The following KIAA1958 variants were observed in gnomAD, a reference collection of about 807,000 sequenced individuals.
KIAA1958 encodes KIAA1958.
A neutral mutation model predicts 47.2 loss-of-function variants in KIAA1958; 14 were observed. The ratio of observed to expected loss-of-function variants is 0.30; its 90% CI spans 0.20 to 0.46. The LOEUF is 0.46. KIAA1958 is among the 20% of genes least tolerant of loss of function. KIAA1958 has a pLI of 1.00. For missense variants in KIAA1958, 803 were observed against 909.2 expected (o/e 0.88, Z 1.50); for synonymous variants, 354 against 353.3 (o/e 1.00, Z -0.02).
At chr9:112,619,661 C>T (rs1836466619) in intron 2 of KIAA1958, among the ~76,000 whole-genome samples, 1 of 152,100 alleles carries the variant, frequency 6.6e-6, no homozygotes, top group African/African-American at 2.4e-5. Flanking sequence ...AAGACTGTTA[C>T]ATAGCTCATT....
intron 2 of KIAA1958, among the ~76,000 whole-genome samples, chr9:112,623,095 G>C (rs1477716866): frequency 6.6e-6 from 1 of 152,136 alleles, no homozygotes; most frequent in Non-Finnish European, 1.5e-5. Flanking sequence ...TCTGCTTTGA[G>C]TATTTTCTGG....
At chr9:112,526,703 A>G (rs1285801431) in intron 1 of KIAA1958, among the ~76,000 whole-genome samples, 1 of 152,190 alleles carries the variant, frequency 6.6e-6, no homozygotes, top group East Asian at 1.9e-4. Context: ...GGGGATAAAC[A>G]TGATTTTTAA....
chr9:112,518,069 G>C (rs1286135685), intron 1 of KIAA1958, among the ~76,000 whole-genome samples: 1 of 152,176 alleles, frequency 6.6e-6, no homozygotes, highest in Non-Finnish European at 1.5e-5. Flanking sequence ...AGAAAGGAAA[G>C]CAGCTGGGAG....
At chr9:112,492,916 CTTTTT>C (rs60299333) in intron 1 of KIAA1958, among the ~76,000 whole-genome samples, 1 of 114,186 alleles carries the variant, frequency 8.8e-6, no homozygotes, top group South Asian at 3.0e-4. Flanking sequence ...GCCCAGCTCA[CTTTTT>C]TTTTTTTTTT....
At chr9:112,581,034 T>G (rs534588081) in intron 2 of KIAA1958, among the ~76,000 whole-genome samples, 1 of 152,298 alleles carries the variant, frequency 6.6e-6, no homozygotes, top group African/African-American at 2.4e-5. Context: ...CACCCGGAGC[T>G]TAGAGTCTGA....
rs1376509008 is a variant in KIAA1958 at position 112,543,533 on chromosome 9, A to AACTTTACC, written c.-24-30514_-24-30507dup. On this transcript the variant is annotated intron_variant, in intron 1 of 3. Coordinates refer to ENST00000337530, the MANE Select transcript of KIAA1958 (RefSeq NM_133465.4). Reference sequence around the variant, plus strand: ...TTGTAAAATGCTTAATTTTATCATTAACTTTACCACTTTACCATTGAGCTT... The same window carrying AACTTTACC: ...TTGTAAAATGCTTAATTTTATCATTAACTTTACCACTTTACCACTTTACCATTGAGCTT... Among the ~76,000 whole-genome samples, 8 of 148,688 alleles carry AACTTTACC rather than the reference A, an allele frequency of 5.4e-5. No homozygotes were observed. In the Admixed American group the frequency reaches 5.4e-4, roughly 10 times the overall value.
rs370149959 is a variant in KIAA1958 at position 112,575,107 on chromosome 9, C to G, written c.1027C>G (p.Leu343Val). The change falls in exon 2 of 4, where the codon CTG (leucine) becomes GTG (valine). Residue 343 changes from leucine to valine, a missense_variant. Coordinates refer to ENST00000337530, the MANE Select transcript of KIAA1958 (RefSeq NM_133465.4). ...TGAGCAAGTTGCCTCTGAAGAGTTC[C>G]TGTCCCATCTGCCCAGCCAGGTCTC... ...QDEQVASEEF[L>V]SHLPSQVSSC... 250 of 1,609,226 alleles carry G rather than the reference C, an allele frequency of 1.6e-4. No homozygotes were observed. Among genetic ancestry groups the G allele is most frequent in the Non-Finnish European group, 2.1e-4 (246 of 1,180,008 alleles).
intron 1 of KIAA1958, among the ~76,000 whole-genome samples, chr9:112,509,573 G>A (rs1564153438): frequency 6.6e-6 from 1 of 152,194 alleles, no homozygotes; most frequent in Non-Finnish European, 1.5e-5. Flanking sequence ...ACCATTGTTT[G>A]GGAGGTGCAA....
chr9:112,633,092 C>T (rs927006645), intron 2 of KIAA1958, among the ~76,000 whole-genome samples: 5 of 152,010 alleles, frequency 3.3e-5, no homozygotes, highest in Non-Finnish European at 5.9e-5. Flanking sequence ...ACTTGGCATA[C>T]TTGCAGACCT....
intron 1 of KIAA1958, among the ~76,000 whole-genome samples, chr9:112,505,244 T>C (rs572459266): frequency 6.6e-6 from 1 of 152,346 alleles, no homozygotes; most frequent in East Asian, 1.9e-4. Flanking sequence ...ATGAGTTCTT[T>C]AGGCTAGCAC....
intron 1 of KIAA1958, among the ~76,000 whole-genome samples, chr9:112,547,778 G>A (rs1835065523): frequency 1.3e-5 from 2 of 152,098 alleles, no homozygotes; most frequent in South Asian, 4.2e-4. Flanking sequence ...CCTGGTCCAG[G>A]AGAGAATTAA....
intron 1 of KIAA1958, among the ~76,000 whole-genome samples, chr9:112,493,853 G>A (rs1834011152): frequency 6.6e-6 from 1 of 151,956 alleles, no homozygotes; most frequent in African/African-American, 2.4e-5. Context: ...TTACTCTCTT[G>A]CAGGAGTTGG....
intron 2 of KIAA1958, among the ~76,000 whole-genome samples, chr9:112,597,803 ATTTTC>A (rs1419374882): frequency 6.6e-6 from 1 of 151,816 alleles, no homozygotes; most frequent in Non-Finnish European, 1.5e-5. Flanking sequence ...GATCACTTTC[ATTTTC>A]TTTGTTTTCT....
At chr9:112,572,429 G>A (rs1342023606) in intron 1 of KIAA1958, among the ~76,000 whole-genome samples, 1 of 152,074 alleles carries the variant, frequency 6.6e-6, no homozygotes, top group Non-Finnish European at 1.5e-5. Context: ...TCCCCAAGTA[G>A]GTCCTCACTG....
At chr9:112,644,046 T>C (rs980349780) in intron 2 of KIAA1958, among the ~76,000 whole-genome samples, 1 of 151,938 alleles carries the variant, frequency 6.6e-6, no homozygotes, top group South Asian at 2.1e-4. Flanking sequence ...GGCGTAGTGG[T>C]GGTCACCAGG....
At chr9:112,617,243 A>G (rs1433133458) in intron 2 of KIAA1958, among the ~76,000 whole-genome samples, 1 of 152,192 alleles carries the variant, frequency 6.6e-6, no homozygotes, top group African/African-American at 2.4e-5. Flanking sequence ...TACCCTCCAA[A>G]ATACCAAATA....
At chr9:112,533,423 G>A (rs1309466167) in intron 1 of KIAA1958, among the ~76,000 whole-genome samples, 7 of 145,304 alleles carry the variant, frequency 4.8e-5, no homozygotes, top group African/African-American at 5.1e-5. Flanking sequence ...AAAATACAAA[G>A]AAAAAAAAAA....
intron 1 of KIAA1958, among the ~76,000 whole-genome samples, chr9:112,553,199 A>C (rs930786350): frequency 2.5e-5 from 3 of 119,260 alleles, no homozygotes; most frequent in Non-Finnish European, 4.8e-5. Context: ...TTCTTTTCCT[A>C]CTTTTAGACA....
intron 1 of KIAA1958, among the ~76,000 whole-genome samples, chr9:112,492,254 C>T (rs776285324): frequency 6.6e-6 from 1 of 152,166 alleles, no homozygotes; most frequent in Non-Finnish European, 1.5e-5. Context: ...TCTAAGGCCC[C>T]TCTCTTGGCT....
Sources: gnomAD v4.1 joint callset for allele counts (sites outside exome capture counted in the v4.1 genomes callset) on GRCh38, gnomAD v4.1.1 for gene constraint, MANE v1.5 for transcripts, NCBI Gene and HGNC (gene_info 2026-07-23, HGNC 2026-07-21) for gene names.